DLG2: variants seen among roughly 807,000 people sequenced by gnomAD.
DLG2 encodes the protein disks large homolog 2.
DLG2 carries 45 observed loss-of-function variants against 132.5 expected under a neutral mutation model. The observed-to-expected ratio is 0.34, with a 90% CI of 0.27 to 0.44. DLG2 has a LOEUF of 0.44. Ranked by LOEUF, DLG2 falls within the 20% of genes least tolerant of loss-of-function variation. DLG2 has a pLI of 1.00. For synonymous variants in DLG2, 424 were observed against 419.6 expected, an observed-to-expected ratio of 1.01 and a Z score of -0.13; for missense variants, 1,045 against 1,196.9, an observed-to-expected ratio of 0.87 and a Z score of 1.87.
intron 6 of DLG2, among the ~76,000 whole-genome samples, chr11:85,083,378 C>T (rs2067491502): frequency 6.6e-6 from 1 of 152,140 alleles, no homozygotes; most frequent in South Asian, 2.1e-4. Context: ...TGCAGTGTCC[C>T]TTCCATTGGT....
At chr11:85,030,414 A>G (rs2060907704) in intron 6 of DLG2, among the ~76,000 whole-genome samples, 1 of 152,132 alleles carries the variant, frequency 6.6e-6, no homozygotes, top group Non-Finnish European at 1.5e-5. Flanking sequence ...TATAATGCTA[A>G]ATTTTCTACT....
intron 6 of DLG2, among the ~76,000 whole-genome samples, chr11:84,852,969 A>G (rs1290790446): frequency 6.6e-6 from 1 of 152,048 alleles, no homozygotes; most frequent in African/African-American, 2.4e-5. Flanking sequence ...AAAATATTCA[A>G]TTGAAAAAGG....
At chr11:83,658,225 C>G (rs1042279995) in intron 18 of DLG2, among the ~76,000 whole-genome samples, 35 of 152,234 alleles carry the variant, frequency 2.3e-4, no homozygotes, top group African/African-American at 8.4e-4. Flanking sequence ...ATCTAATGGG[C>G]TTTTTGAAAA....
At chr11:84,728,626 C>T (rs1327866822) in intron 6 of DLG2, among the ~76,000 whole-genome samples, 1 of 152,074 alleles carries the variant, frequency 6.6e-6, no homozygotes, top group East Asian at 1.9e-4. Flanking sequence ...GGGAGGATTC[C>T]CTCTTTTTCT....
intron 6 of DLG2, among the ~76,000 whole-genome samples, chr11:84,838,666 A>G (rs1789941564): frequency 6.6e-6 from 1 of 151,604 alleles, no homozygotes; most frequent in Admixed American, 6.6e-5. Flanking sequence ...TTATAAAAGT[A>G]TAAAATCAAG....
chr11:84,476,786 A>G (rs1352465801), intron 7 of DLG2, among the ~76,000 whole-genome samples: 2 of 152,260 alleles, frequency 1.3e-5, no homozygotes, highest in East Asian at 1.9e-4. Context: ...GAGAGCCAGC[A>G]CCAACTGCCA....
intron 3 of DLG2, among the ~76,000 whole-genome samples, chr11:85,440,832 T>C (rs1488539616): frequency 6.6e-6 from 1 of 152,164 alleles, no homozygotes; most frequent in African/African-American, 2.4e-5. Context: ...TCTGGTGTTA[T>C]AAATTCCATG....
At chr11:83,987,306 A>G (rs2093395467) in intron 11 of DLG2, among the ~76,000 whole-genome samples, 1 of 152,106 alleles carries the variant, frequency 6.6e-6, no homozygotes, top group Non-Finnish European at 1.5e-5. Flanking sequence ...CATCCCCATC[A>G]AGCTACCAAT....
At chr11:84,890,376 C>T (rs540659358) in intron 6 of DLG2, among the ~76,000 whole-genome samples, 1 of 152,086 alleles carries the variant, frequency 6.6e-6, no homozygotes, top group South Asian at 2.1e-4. Context: ...GTCAAGTCCT[C>T]CAGAATACTG....
chr11:84,796,610 T>G (rs2074644899), intron 6 of DLG2, among the ~76,000 whole-genome samples: 1 of 152,260 alleles, frequency 6.6e-6, no homozygotes. Context: ...CAGCTTTTGT[T>G]TGTCTGGGAA....
chr11:84,173,695 C>T (rs2095873546), intron 8 of DLG2, among the ~76,000 whole-genome samples: 1 of 152,124 alleles, frequency 6.6e-6, no homozygotes, highest in Non-Finnish European at 1.5e-5. Flanking sequence ...TCCTCTGCAG[C>T]TTTTGTTTGT....
chr11:85,150,242 G>A (rs12272012), intron 5 of DLG2, among the ~76,000 whole-genome samples: 11 of 151,648 alleles, frequency 7.3e-5, no homozygotes, highest in African/African-American at 1.9e-4. Flanking sequence ...GGAAGGTCTC[G>A]ATCTCCTGAC....
intron 3 of DLG2, among the ~76,000 whole-genome samples, chr11:85,552,831 A>G (rs1056225607): frequency 1.3e-5 from 2 of 151,570 alleles, no homozygotes; most frequent in African/African-American, 4.8e-5. Flanking sequence ...AGGAGTTCCA[A>G]GAGAGAATAG....
chr11:85,442,208 G>T (rs1597376264), intron 3 of DLG2, among the ~76,000 whole-genome samples: 1 of 152,072 alleles, frequency 6.6e-6, no homozygotes, highest in African/African-American at 2.4e-5. Flanking sequence ...ACAGAGAAAT[G>T]ACATGATCAA....
intron 6 of DLG2, among the ~76,000 whole-genome samples, chr11:84,977,247 G>A (rs1399310022): frequency 6.6e-6 from 1 of 152,124 alleles, no homozygotes; most frequent in African/African-American, 2.4e-5. Flanking sequence ...TGAAGGAATG[G>A]CTCTAGTTCT....
intron 4 of DLG2, among the ~76,000 whole-genome samples, chr11:85,188,998 A>T (rs143847808): frequency 6.4e-4 from 97 of 152,246 alleles, no homozygotes; most frequent in Non-Finnish European, 1.2e-3. Flanking sequence ...ACTGAACAAA[A>T]CCAGAATAGA....
chr11:84,841,350 C>G (rs1046085333), intron 6 of DLG2, among the ~76,000 whole-genome samples: 1 of 151,908 alleles, frequency 6.6e-6, no homozygotes, highest in Non-Finnish European at 1.5e-5. Flanking sequence ...TCTGTTAGCT[C>G]TGTGTTTGAA....
chr11:84,929,674 A>G (rs142501698), intron 6 of DLG2, among the ~76,000 whole-genome samples: 230 of 152,256 alleles, frequency 1.5e-3, no homozygotes, highest in African/African-American at 5.0e-3. Context: ...TTATAGAGAA[A>G]TTGCGTTATT....
intron 11 of DLG2, among the ~76,000 whole-genome samples, chr11:84,000,613 T>A (rs756025380): frequency 6.6e-6 from 1 of 151,948 alleles, no homozygotes; most frequent in Admixed American, 6.6e-5. Context: ...TCAAAAAGCA[T>A]CAAAAGTGTC....
Sources: gnomAD v4.1 joint callset for allele counts (sites outside exome capture counted in the v4.1 genomes callset) on GRCh38, gnomAD v4.1.1 for gene constraint, MANE v1.5 for transcripts, NCBI Gene and HGNC (gene_info 2026-07-23, HGNC 2026-07-21) for gene names.